CELF2: variants seen among roughly 807,000 people sequenced by gnomAD.
CELF2 encodes the protein CUGBP Elav-like family member 2, also known as CUG triplet repeat RNA-binding protein 2.
CELF2 carries 8 observed loss-of-function variants against 62.6 expected under a neutral mutation model. The ratio of observed to expected loss-of-function variants is 0.13; its 90% CI spans 0.07 to 0.23. CELF2 has a LOEUF of 0.23. Among genes scored for constraint, CELF2 ranks in the 10% least tolerant of loss-of-function variants. The pLI is 1.00. For synonymous variants in CELF2, 258 were observed against 250.0 expected, an observed-to-expected ratio of 1.03 and a Z score of -0.30; for missense variants, 333 against 671.0, an observed-to-expected ratio of 0.50 and a Z score of 5.56.
At chr10:11,254,526 C>G (rs1267989010) in intron 4 of CELF2, among the ~76,000 whole-genome samples, 1 of 152,184 alleles carries the variant, frequency 6.6e-6, no homozygotes, top group African/African-American at 2.4e-5. Context: ...AGCATTTCTT[C>G]ATGAGTAGTT....
chr10:11,063,711 G>A (rs1239797208), intron 1 of CELF2, among the ~76,000 whole-genome samples: 2 of 152,108 alleles, frequency 1.3e-5, no homozygotes, highest in Admixed American at 6.5e-5. Context: ...ATAAGACATC[G>A]TGTAAAAATG....
At chr10:10,807,613 G>A (rs2055365217) in intron 1 of CELF2, among the ~76,000 whole-genome samples, 2 of 152,182 alleles carry the variant, frequency 1.3e-5, no homozygotes, top group East Asian at 3.9e-4. Context: ...TTTCTATTTT[G>A]TTTACAAAAG....
chr10:10,679,898 C>G, the CELF2 span, among the ~76,000 whole-genome samples: 7 of 152,188 alleles, frequency 4.6e-5, no homozygotes, highest in Admixed American at 2.6e-4. Flanking sequence ...AGTTGCTGCA[C>G]TGAACCTTGT....
intron 2 of CELF2, among the ~76,000 whole-genome samples, chr10:10,945,375 C>T: frequency 6.6e-6 from 1 of 152,166 alleles, no homozygotes; most frequent in South Asian, 2.1e-4. Flanking sequence ...CAGACCCCAG[C>T]ATATGCCACC....
the CELF2 span, among the ~76,000 whole-genome samples, chr10:10,564,243 G>C: frequency 8.5e-5 from 13 of 152,080 alleles, no homozygotes; most frequent in Non-Finnish European, 1.5e-4. Flanking sequence ...GATGACAATG[G>C]TTTCCATGGC....
chr10:11,047,208 G>A (rs951550887), intron 1 of CELF2, among the ~76,000 whole-genome samples: 1 of 152,066 alleles, frequency 6.6e-6, no homozygotes, highest in Non-Finnish European at 1.5e-5. Context: ...AGATATTAAA[G>A]ACCTGTAAAT....
chr10:10,528,685 T>G, the CELF2 span, among the ~76,000 whole-genome samples: 2 of 152,192 alleles, frequency 1.3e-5, no homozygotes, highest in Non-Finnish European at 2.9e-5. Flanking sequence ...AGAAGTGGTG[T>G]TGTGTCATTG....
At chr10:11,276,513 A>G (rs904894048) in intron 8 of CELF2, among the ~76,000 whole-genome samples, 10 of 152,234 alleles carry the variant, frequency 6.6e-5, no homozygotes, top group Non-Finnish European at 1.5e-4. Flanking sequence ...GAGAGAGAGA[A>G]GTAAAATATT....
intron 1 of CELF2, among the ~76,000 whole-genome samples, chr10:11,135,417 T>C (rs1181377631): frequency 6.6e-6 from 1 of 152,256 alleles, no homozygotes; most frequent in Non-Finnish European, 1.5e-5. Flanking sequence ...TATGTTTCTT[T>C]TGGTTTGTCA....
At chr10:10,522,473 G>A in the CELF2 span, among the ~76,000 whole-genome samples, 9 of 152,312 alleles carry the variant, frequency 5.9e-5, no homozygotes, top group African/African-American at 2.2e-4. Context: ...TTCTCACAGA[G>A]CACGTACCAT....
At chr10:11,134,099 T>C (rs2060028990) in intron 1 of CELF2, among the ~76,000 whole-genome samples, 1 of 152,220 alleles carries the variant, frequency 6.6e-6, no homozygotes, top group African/African-American at 2.4e-5. Context: ...AATATAATTA[T>C]ACTCTTCTAA....
chr10:11,325,737 A>T, intron 11 of CELF2, 99 bp from the exon 12 acceptor site: 1 of 1,070,264 alleles, frequency 9.3e-7, no homozygotes, highest in Non-Finnish European at 1.3e-6. Context: ...TTGTTCAACT[A>T]AATGCTTAGC....
In CELF2 at chr10:11,254,404, T is replaced by C. The variant is rs376746392; in HGVS notation, c.404-3334T>C. On this transcript the variant is annotated intron_variant, in intron 4 of 12. Coordinates refer to ENST00000633077, the MANE Select transcript of CELF2 (RefSeq NM_001326342.2). Reference sequence around the variant, plus strand: ...GAAGTTAACATTTTGATAACGTGGATGATGGAGGTTTCCATTTTTTTTCTT... The same window carrying C: ...GAAGTTAACATTTTGATAACGTGGACGATGGAGGTTTCCATTTTTTTTCTT... 2.6e-5 allele frequency among the ~76,000 whole-genome samples: 4 copies of C among 152,376 alleles called. No homozygotes were observed. The East Asian group carries it at 7.7e-4, about 29-fold the overall frequency.
At chr10:11,183,439 T>G (rs2074024308) in intron 2 of CELF2, among the ~76,000 whole-genome samples, 2 of 152,240 alleles carry the variant, frequency 1.3e-5, no homozygotes, top group South Asian at 4.1e-4. Context: ...AGACAAGTGC[T>G]TTTGTCGCTC....
the CELF2 span, among the ~76,000 whole-genome samples, chr10:10,715,377 T>TTA: frequency 2.6e-5 from 4 of 152,224 alleles, no homozygotes; most frequent in Non-Finnish European, 5.9e-5. Flanking sequence ...AATGTTTTAA[T>TTA]TATAGTTCCT....
the CELF2 span, among the ~76,000 whole-genome samples, chr10:10,646,941 C>A: frequency 1.7e-4 from 26 of 152,254 alleles, no homozygotes; most frequent in Admixed American, 2.6e-4. Flanking sequence ...CCTCACACAG[C>A]CTGGTCATGC....
At chr10:10,833,917 A>C (rs2058071228) in intron 1 of CELF2, among the ~76,000 whole-genome samples, 1 of 152,202 alleles carries the variant, frequency 6.6e-6, no homozygotes, top group South Asian at 2.1e-4. Flanking sequence ...TTCCTAAAAC[A>C]CTTAAAAACT....
the CELF2 span, among the ~76,000 whole-genome samples, chr10:10,525,300 C>T: frequency 1.9e-4 from 29 of 152,190 alleles, no homozygotes; most frequent in Non-Finnish European, 8.8e-5. Context: ...CACAGAAAGC[C>T]CAGAACAGCT....
At chr10:11,241,066 TG>T (rs2073716814) in intron 3 of CELF2, among the ~76,000 whole-genome samples, 1 of 152,152 alleles carries the variant, frequency 6.6e-6, no homozygotes, top group South Asian at 2.1e-4. Flanking sequence ...TTAATGACCA[TG>T]CATAAAGAGC....
Sources: gnomAD v4.1 joint callset for allele counts (sites outside exome capture counted in the v4.1 genomes callset) on GRCh38, gnomAD v4.1.1 for gene constraint, MANE v1.5 for transcripts, NCBI Gene and HGNC (gene_info 2026-07-23, HGNC 2026-07-21) for gene names.